Variants in IMMP2L observed in about 807,000 individuals in gnomAD.
IMMP2L encodes the protein mitochondrial inner membrane protease subunit 2.
A neutral mutation model predicts 19.3 loss-of-function variants in IMMP2L; 18 were observed. That is an observed-to-expected ratio of 0.93 (90% CI 0.64 to 1.38). IMMP2L has a LOEUF of 1.38. Ranked by LOEUF, IMMP2L falls within the 40% of genes most tolerant of loss-of-function variation. IMMP2L has a pLI of 0.00. For missense variants in IMMP2L, 233 were observed against 218.2 expected (o/e 1.07, Z -0.43); for synonymous variants, 76 against 73.0 (o/e 1.04, Z -0.21).
intron 3 of IMMP2L, among the ~76,000 whole-genome samples, chr7:111,429,104 C>T (rs950641731): frequency 6.6e-6 from 1 of 151,710 alleles, no homozygotes; most frequent in Non-Finnish European, 1.5e-5. Context: ...AAAGAACATG[C>T]AATCCTTTTT....
chr7:111,162,314 A>G (rs1662764491), intron 3 of IMMP2L, among the ~76,000 whole-genome samples: 1 of 152,134 alleles, frequency 6.6e-6, no homozygotes, highest in Non-Finnish European at 1.5e-5. Flanking sequence ...CTGAAATTTG[A>G]TTATAATTTT....
At chr7:111,083,521 G>A (rs1319567148) in intron 3 of IMMP2L, among the ~76,000 whole-genome samples, 1 of 152,162 alleles carries the variant, frequency 6.6e-6, no homozygotes, top group African/African-American at 2.4e-5. Context: ...CAAAGGAGAG[G>A]AGAACGAGGG....
intron 3 of IMMP2L, among the ~76,000 whole-genome samples, chr7:111,230,816 G>C (rs1813629548): frequency 6.6e-6 from 1 of 151,974 alleles, no homozygotes; most frequent in African/African-American, 2.4e-5. Context: ...TCTAAAGAAA[G>C]GAAGCACAGA....
chr7:110,990,442 C>G (rs2129559487), intron 3 of IMMP2L, among the ~76,000 whole-genome samples: 1 of 152,306 alleles, frequency 6.6e-6, no homozygotes, highest in East Asian at 1.9e-4. Flanking sequence ...TCAGAGATAG[C>G]ACCATTCTTC....
At chr7:111,498,085 A>G (rs1294278400) in intron 2 of IMMP2L, among the ~76,000 whole-genome samples, 2 of 151,952 alleles carry the variant, frequency 1.3e-5, no homozygotes, top group Non-Finnish European at 2.9e-5. Flanking sequence ...CTTATTACTA[A>G]TATTTTTAAA....
chr7:110,996,725 C>CA (rs1177821358), intron 3 of IMMP2L, among the ~76,000 whole-genome samples: 2 of 151,450 alleles, frequency 1.3e-5, no homozygotes, highest in Non-Finnish European at 2.9e-5. Context: ...AATTCACATG[C>CA]AATCGTAAGA....
At chr7:110,790,939 C>T (rs1800420153) in intron 5 of IMMP2L, among the ~76,000 whole-genome samples, 1 of 151,302 alleles carries the variant, frequency 6.6e-6, no homozygotes, top group South Asian at 2.1e-4. Flanking sequence ...GAGAAGCACC[C>T]CTGACACCTG....
chr7:111,353,817 CCATAAA>C lies in IMMP2L; in HGVS notation c.239+133415_239+133420del, dbSNP rs1225246712. ...TCTTTATACATTTTTATGATAGACA[CCATAAA>C]CATAGTCAGCTATATATGTTACATA... is the stretch of plus-strand genomic sequence containing the variant. On this transcript the variant is annotated intron_variant, in intron 3 of 5. Transcript: ENST00000405709. Among the ~76,000 whole-genome samples the C allele has an allele frequency of 2.6e-5, 4 of 151,944 alleles. 1 individual carries two copies. The highest frequency in any genetic ancestry group is 3.9e-4 in the East Asian group (2 of 5,186).
At chr7:111,461,381 AT>A (rs1297784957) in intron 3 of IMMP2L, among the ~76,000 whole-genome samples, 5 of 152,036 alleles carry the variant, frequency 3.3e-5, no homozygotes, top group East Asian at 1.9e-4. Context: ...AGCAAAAAAA[AT>A]CATCCTGAAA....
intron 3 of IMMP2L, among the ~76,000 whole-genome samples, chr7:111,308,955 C>T (rs1050224021): frequency 1.3e-5 from 2 of 152,006 alleles, no homozygotes; most frequent in Non-Finnish European, 2.9e-5. Flanking sequence ...CTGGTTAAAA[C>T]AAGAATCATT....
intron 3 of IMMP2L, among the ~76,000 whole-genome samples, chr7:111,333,257 T>C (rs1826054023): frequency 6.6e-6 from 1 of 152,260 alleles, no homozygotes; most frequent in East Asian, 1.9e-4. Flanking sequence ...AGAACATGTT[T>C]GTGCATGTAT....
chr7:111,261,364 T>C (rs1302346642), intron 3 of IMMP2L, among the ~76,000 whole-genome samples: 3 of 152,128 alleles, frequency 2.0e-5, no homozygotes, highest in African/African-American at 7.2e-5. Flanking sequence ...ATAGTACAAA[T>C]GAAATTGGTG....
intron 3 of IMMP2L, chr7:111,392,911 G>A (rs1832507947): frequency 4.4e-6 from 2 of 449,670 alleles, no homozygotes; most frequent in African/African-American, 4.0e-5. Context: ...ATGGAGCTGG[G>A]GGGTCCCACC....
rs987716438 is a variant in IMMP2L, at chr7:111,412,695, C to T, written c.239+74543G>A. Reference sequence around the variant, plus strand: ...TCACATAGGGAGTTTTTAAAAATCCCATTGTACCTCATATCAATTTAATCA... The same window carrying T: ...TCACATAGGGAGTTTTTAAAAATCCTATTGTACCTCATATCAATTTAATCA... On this transcript the variant is annotated intron_variant, in intron 3 of 5. Coordinates refer to ENST00000405709, the MANE Select transcript of IMMP2L (RefSeq NM_032549.4). Among the ~76,000 whole-genome samples, 4 of 151,722 alleles carry T rather than the reference C, an allele frequency of 2.6e-5. 1 individual carries two copies. Among genetic ancestry groups the T allele is most frequent in the Non-Finnish European group, 5.9e-5 (4 of 67,978 alleles).
At chr7:110,962,745 A>G (rs1271148300) in intron 4 of IMMP2L, 1 of 1,058,748 alleles carries the variant, frequency 9.4e-7, no homozygotes, top group African/African-American at 1.7e-5. Context: ...AGATTAGTTA[A>G]TATGTGTACT....
At chr7:110,670,488 G>A (rs952046717) in intron 5 of IMMP2L, among the ~76,000 whole-genome samples, 4 of 152,142 alleles carry the variant, frequency 2.6e-5, no homozygotes, top group African/African-American at 7.2e-5. Context: ...TCAGGAGTTC[G>A]AGACCAGCCT....
chr7:111,092,176 C>T (rs145106392), intron 3 of IMMP2L, among the ~76,000 whole-genome samples: 3 of 152,284 alleles, frequency 2.0e-5, no homozygotes, highest in African/African-American at 7.2e-5. Context: ...AACATCCCCT[C>T]GCTGGTCTGA....
In IMMP2L at chr7:111,487,285, C is replaced by G; in HGVS notation, c.192G>C (p.Trp64Cys). 6.2e-7 allele frequency: 1 copy of G among 1,610,644 alleles called. No individual in the cohort carries two copies. Among genetic ancestry groups the G allele is most frequent in the Non-Finnish European group, 8.5e-7 (1 of 1,177,018 alleles). ...QSSDVVLLNH[W>C]KVRNFEVHRG... is the part of the protein sequence containing the mutation. ...GGTGTACTTCAAAATTCCTCACTTT[C>G]CAGTGGTTCAAAAGCACCACATCAG... is the stretch of plus-strand genomic sequence containing the variant. Residue 64 changes from tryptophan to cysteine, a missense_variant, in exon 3 of 6, where the codon TGG becomes TGC. Transcript: ENST00000405709.
At chr7:111,219,208 T>C (rs904890210) in intron 3 of IMMP2L, among the ~76,000 whole-genome samples, 9 of 152,176 alleles carry the variant, frequency 5.9e-5, no homozygotes, top group Middle Eastern at 3.4e-3. Context: ...GCCAAATTAC[T>C]AAAAAATTTT....
Sources: allele counts gnomAD v4.1 joint callset (sites outside exome capture counted in the v4.1 genomes callset), GRCh38; gene constraint gnomAD v4.1.1; transcripts MANE v1.5; gene names NCBI Gene and HGNC (gene_info 2026-07-23, HGNC 2026-07-21).